The following TMEM87B variants were observed in gnomAD, a reference collection of about 807,000 sequenced individuals.
The protein encoded by TMEM87B is transmembrane protein 87B.
In TMEM87B, 83 loss-of-function variants were observed where a neutral mutation model predicts 80.3. The observed-to-expected ratio is 1.03, with a 90% CI of 0.87 to 1.24. TMEM87B has a LOEUF of 1.24. Ranked by LOEUF, TMEM87B falls within the 50% of genes most tolerant of loss-of-function variation. The pLI is 0.00. For missense variants in TMEM87B, 625 were observed against 674.4 expected, an observed-to-expected ratio of 0.93 and a Z score of 0.81; for synonymous variants, 219 against 230.5, an observed-to-expected ratio of 0.95 and a Z score of 0.45.
chr2:112,100,532 T>C (rs936151570), intron 14 of TMEM87B, 90 bp from the exon 15 acceptor site: 1 of 756,374 alleles, frequency 1.3e-6, no homozygotes, highest in Non-Finnish European at 2.1e-6. Flanking sequence ...TTTTTAAATG[T>C]AGATTTTTTA....
intron 11 of TMEM87B, among the ~76,000 whole-genome samples, chr2:112,096,748 G>A (rs900569136): frequency 6.6e-6 from 1 of 152,260 alleles, no homozygotes; most frequent in African/African-American, 2.4e-5. Flanking sequence ...TGCGTGCACT[G>A]CTCTATCCCG....
chr2:112,086,853 CCT>C (rs1041246543), intron 9 of TMEM87B, among the ~76,000 whole-genome samples: 12 of 152,174 alleles, frequency 7.9e-5, no homozygotes, highest in Non-Finnish European at 1.2e-4. Flanking sequence ...CACCTCCCCA[CCT>C]CTCCTGCTCT....
intron 11 of TMEM87B, among the ~76,000 whole-genome samples, chr2:112,092,795 C>G (rs1404502261): frequency 2.6e-5 from 4 of 151,980 alleles, no homozygotes; most frequent in Non-Finnish European, 5.9e-5. Context: ...CTGGGGAATC[C>G]CATTGCTTTT....
chr2:112,082,831 G>GGAGCAGCAAAAACCTGAGATC (rs1480947613), intron 8 of TMEM87B, among the ~76,000 whole-genome samples: 2 of 152,146 alleles, frequency 1.3e-5, no homozygotes, highest in African/African-American at 4.8e-5. Context: ...GTAAAGGGTG[G>GGAGCAGCAAAAACCTGAGATC]CATGGACTTT....
Position 112,090,189 on chromosome 2 carries a change from A to G in TMEM87B, c.1032+471A>G, listed in dbSNP as rs1037121922. The stretch of plus-strand genomic sequence containing the variant: ...TGGGGACTAGCTATTTTGAGGATTC[A>G]GTAGACCCCACCATTGGAAAAGCCT... On this transcript the variant is annotated intron_variant, in intron 10 of 18. Coordinates refer to ENST00000283206, the MANE Select transcript of TMEM87B (RefSeq NM_032824.3). Among the ~76,000 whole-genome samples, 9 of 152,190 alleles carry G rather than the reference A, an allele frequency of 5.9e-5. 1 individual carries two copies. The highest frequency in any genetic ancestry group is 4.1e-4 in the South Asian group (2 of 4,834).
intron 17 of TMEM87B, among the ~76,000 whole-genome samples, chr2:112,109,664 CTTT>C (rs561752709): frequency 2.2e-5 from 1 of 46,342 alleles, no homozygotes; most frequent in Non-Finnish European, 4.3e-5. Context: ...TAAGTATGGT[CTTT>C]TTTTTTTTTT....
chr2:112,086,479 A>T (rs1679148065), intron 9 of TMEM87B, among the ~76,000 whole-genome samples: 1 of 152,122 alleles, frequency 6.6e-6, no homozygotes, highest in Non-Finnish European at 1.5e-5. Flanking sequence ...AAGTCAGCAA[A>T]ACTTCTGACT....
chr2:112,082,416 G>T (rs906275890), intron 8 of TMEM87B, among the ~76,000 whole-genome samples: 1 of 152,048 alleles, frequency 6.6e-6, no homozygotes, highest in Non-Finnish European at 1.5e-5. Flanking sequence ...TACTTATTTT[G>T]AAATACTCTA....
intron 16 of TMEM87B, 90 bp from the exon 17 acceptor site, chr2:112,107,697 AT>A (rs1256988037): frequency 1.6e-6 from 1 of 613,146 alleles, no homozygotes; most frequent in Non-Finnish European, 2.6e-6. Context: ...AAATATTTAC[AT>A]TTAAACACTT....
intron 16 of TMEM87B, among the ~76,000 whole-genome samples, chr2:112,106,901 G>C (rs995323206): frequency 2.6e-5 from 4 of 152,198 alleles, no homozygotes; most frequent in African/African-American, 9.6e-5. Context: ...TGGAGGGATG[G>C]ATAGAAAGGA....
intron 8 of TMEM87B, among the ~76,000 whole-genome samples, chr2:112,082,957 G>T (rs1015659885): frequency 2.0e-5 from 3 of 152,204 alleles, no homozygotes; most frequent in African/African-American, 4.8e-5. Context: ...TACCCAGACC[G>T]CTGTCAGGGT....
At chr2:112,092,560 G>A (rs1269843759) in intron 11 of TMEM87B, among the ~76,000 whole-genome samples, 2 of 152,222 alleles carry the variant, frequency 1.3e-5, no homozygotes, top group African/African-American at 4.8e-5. Flanking sequence ...AGGTGAGTCA[G>A]TATTCCTTTG....
intron 4 of TMEM87B, 68 bp downstream of exon 4, chr2:112,067,135 A>C (rs1159886265): frequency 1.9e-6 from 3 of 1,554,984 alleles, no homozygotes; most frequent in Non-Finnish European, 2.6e-6. Flanking sequence ...AACTGAAGTA[A>C]TGTTTTATCG....
At chr2:112,104,946 G>A (rs184693199) in intron 15 of TMEM87B, among the ~76,000 whole-genome samples, 29 of 152,218 alleles carry the variant, frequency 1.9e-4, no homozygotes, top group African/African-American at 7.0e-4. Flanking sequence ...TGAAAGTGTT[G>A]CATGATTTAG....
At chr2:112,058,356 A>G (rs1678145063) in intron 1 of TMEM87B, among the ~76,000 whole-genome samples, 1 of 152,198 alleles carries the variant, frequency 6.6e-6, no homozygotes, top group Non-Finnish European at 1.5e-5. Context: ...ATCATTAAGC[A>G]CAGTGAGCTA....
intron 4 of TMEM87B, among the ~76,000 whole-genome samples, chr2:112,072,466 A>C (rs1678678360): frequency 6.6e-6 from 1 of 152,068 alleles, no homozygotes; most frequent in Non-Finnish European, 1.5e-5. Flanking sequence ...TGGTCTGTTC[A>C]GGGAATCAGT....
At chr2:112,093,623 A>G (rs1679370960) in intron 11 of TMEM87B, among the ~76,000 whole-genome samples, 1 of 152,228 alleles carries the variant, frequency 6.6e-6, no homozygotes, top group Admixed American at 6.5e-5. Flanking sequence ...ATAAAATTAT[A>G]GTTAAATAAA....
chr2:112,098,529 T>G, intron 13 of TMEM87B, 66 bp from the exon 14 acceptor site: 1 of 1,454,310 alleles, frequency 6.9e-7, no homozygotes, highest in Non-Finnish European at 9.6e-7. Context: ...TGTACATTAT[T>G]TGAATGGGAA....
At chr2:112,092,143 A>G (rs1017949688) in intron 11 of TMEM87B, among the ~76,000 whole-genome samples, 3 of 152,220 alleles carry the variant, frequency 2.0e-5, no homozygotes, top group Non-Finnish European at 2.9e-5. Flanking sequence ...CAACAGGGGA[A>G]GAGAGAAGTT....
Sources: allele counts gnomAD v4.1 joint callset (sites outside exome capture counted in the v4.1 genomes callset), GRCh38; gene constraint gnomAD v4.1.1; transcripts MANE v1.5; gene names NCBI Gene and HGNC (gene_info 2026-07-23, HGNC 2026-07-21).